MACROD2: variants seen among roughly 807,000 people sequenced by gnomAD.
The protein encoded by MACROD2 is mono-ADP ribosylhydrolase 2.
In MACROD2, 36 loss-of-function variants were observed where a neutral mutation model predicts 70.4. That is an observed-to-expected ratio of 0.51 (90% CI 0.39 to 0.68). The LOEUF (loss-of-function observed/expected upper bound fraction) is 0.68. Among genes scored for constraint, MACROD2 ranks in the 30% least tolerant of loss-of-function variants. MACROD2 has a pLI of 0.00. For synonymous variants in MACROD2, 172 were observed against 178.8 expected (o/e 0.96, Z 0.30); for missense variants, 496 against 538.4 (o/e 0.92, Z 0.78).
intron 3 of MACROD2, among the ~76,000 whole-genome samples, chr20:14,240,807 G>A (rs6079368): frequency 0.97 from 147,592 of 152,312 alleles, 71,528 homozygotes; most frequent in Admixed American, 0.99. Context: ...TTACCTATAT[G>A]ATAAACCTGC....
intron 3 of MACROD2, among the ~76,000 whole-genome samples, chr20:14,433,709 T>G (rs1047473164): frequency 2.0e-5 from 3 of 152,262 alleles, no homozygotes; most frequent in Admixed American, 2.0e-4. Flanking sequence ...ATGGCCAGTT[T>G]ACCTGAATAT....
At chr20:14,793,445 A>G (rs6042924) in intron 5 of MACROD2, among the ~76,000 whole-genome samples, 4,502 of 148,540 alleles carry the variant, frequency 0.03, 141 homozygotes, top group East Asian at 0.11. Flanking sequence ...TCCCCCCACC[A>G]TGCCCCCCGC....
At chr20:15,918,338 A>G (rs2065350784) in intron 10 of MACROD2, among the ~76,000 whole-genome samples, 1 of 152,228 alleles carries the variant, frequency 6.6e-6, no homozygotes, top group African/African-American at 2.4e-5. Flanking sequence ...GAAATTATTT[A>G]CTTGCCATTT....
At chr20:14,100,895 T>G (rs2054295807) in intron 3 of MACROD2, among the ~76,000 whole-genome samples, 1 of 146,212 alleles carries the variant, frequency 6.8e-6, no homozygotes, top group South Asian at 2.1e-4. Context: ...TTGATTAATA[T>G]AATCAAAATT....
chr20:14,216,304 T>C lies in MACROD2; in HGVS notation c.271+130576T>C, dbSNP rs139594960. 7.7e-4 allele frequency among the ~76,000 whole-genome samples: 117 copies of C among 152,288 alleles called. 1 individual carries two copies. The highest frequency in any genetic ancestry group is 2.7e-3 in the African/African-American group (111 of 41,550). ...ATGTTTTTGTTTGCTTTCTTGAAGA[T>C]CACTTGGCTGTAAGTATTTGGGTTT... On this transcript the variant is annotated intron_variant, in intron 3 of 17. Transcript: ENST00000684519.
At chr20:14,415,862 T>G (rs1568601864) in intron 3 of MACROD2, among the ~76,000 whole-genome samples, 1 of 152,188 alleles carries the variant, frequency 6.6e-6, no homozygotes, top group Non-Finnish European at 1.5e-5. Flanking sequence ...AAAGTCCAGC[T>G]GCAACCCATA....
At chr20:15,375,178 C>T (rs1194857200) in intron 6 of MACROD2, among the ~76,000 whole-genome samples, 1 of 152,158 alleles carries the variant, frequency 6.6e-6, no homozygotes, top group Non-Finnish European at 1.5e-5. Context: ...CCATCAGGTG[C>T]TTCACAATTT....
chr20:15,660,326 G>A (rs1385192366), intron 8 of MACROD2, among the ~76,000 whole-genome samples: 1 of 152,024 alleles, frequency 6.6e-6, no homozygotes, highest in Non-Finnish European at 1.5e-5. Context: ...CATTTGACAT[G>A]TGTTAATTTC....
chr20:15,711,127 G>T (rs950076342), intron 8 of MACROD2, among the ~76,000 whole-genome samples: 1 of 152,172 alleles, frequency 6.6e-6, no homozygotes, highest in Non-Finnish European at 1.5e-5. Context: ...TCTGTGAAGG[G>T]TGTTGAAGAC....
At chr20:14,565,217 G>A (rs1178378141) in intron 4 of MACROD2, among the ~76,000 whole-genome samples, 1 of 151,670 alleles carries the variant, frequency 6.6e-6, no homozygotes, top group African/African-American at 2.4e-5. Context: ...AGGGGCCAAG[G>A]GATAAAATAC....
chr20:14,317,373 A>T (rs2082621786), intron 3 of MACROD2, among the ~76,000 whole-genome samples: 1 of 152,068 alleles, frequency 6.6e-6, no homozygotes, highest in Admixed American at 6.5e-5. Context: ...TAATCCCAGC[A>T]CTTTGGGAGG....
At chr20:14,245,713 G>A (rs1046686212) in intron 3 of MACROD2, among the ~76,000 whole-genome samples, 1 of 152,184 alleles carries the variant, frequency 6.6e-6, no homozygotes, top group Non-Finnish European at 1.5e-5. Flanking sequence ...AGCTCTTAAT[G>A]CTATAACTCC....
chr20:14,397,590 C>T (rs909122512), intron 3 of MACROD2, among the ~76,000 whole-genome samples: 2 of 152,032 alleles, frequency 1.3e-5, no homozygotes, highest in African/African-American at 4.8e-5. Context: ...TTTAAATAAT[C>T]AGTTATCTTT....
In MACROD2 at chr20:15,141,379, T is replaced by A. The variant is rs142947422; in HGVS notation, c.419-88561T>A. Among the ~76,000 whole-genome samples, 132 of 152,002 alleles carry A rather than the reference T, an allele frequency of 8.7e-4. 1 individual carries two copies. In the East Asian group the frequency reaches 0.025, roughly 28 times the overall value. On this transcript the variant is annotated intron_variant, in intron 5 of 17. Transcript: ENST00000684519. Reference sequence around the variant, plus strand: ...ACATGCATTCAGGTACTCGCATACATACATATAGATATACACGTGTTTGCA... The same window carrying A: ...ACATGCATTCAGGTACTCGCATACAAACATATAGATATACACGTGTTTGCA...
chr20:15,103,149 A>G (rs939753724), intron 5 of MACROD2, among the ~76,000 whole-genome samples: 3 of 152,162 alleles, frequency 2.0e-5, no homozygotes, highest in Non-Finnish European at 4.4e-5. Flanking sequence ...GGAAAAAAAC[A>G]AACAAAACAG....
At chr20:16,033,317 G>C (rs188065342) in intron 15 of MACROD2, among the ~76,000 whole-genome samples, 1 of 152,078 alleles carries the variant, frequency 6.6e-6, no homozygotes, top group Admixed American at 6.6e-5. Context: ...ATACAATGCC[G>C]AAAAGCAACA....
intron 8 of MACROD2, among the ~76,000 whole-genome samples, chr20:15,714,487 C>T (rs181042661): frequency 3.2e-4 from 49 of 152,278 alleles, no homozygotes; most frequent in African/African-American, 1.0e-3. Flanking sequence ...CAAGCAGAGG[C>T]TCTTTCCTGC....
At chr20:16,026,825 G>A (rs533056387) in intron 15 of MACROD2, among the ~76,000 whole-genome samples, 3 of 152,174 alleles carry the variant, frequency 2.0e-5, no homozygotes, top group East Asian at 3.9e-4. Context: ...GGAGGGTTTC[G>A]GCAAAGGTAA....
intron 8 of MACROD2, among the ~76,000 whole-genome samples, chr20:15,836,705 A>G (rs2064117859): frequency 6.6e-6 from 1 of 152,224 alleles, no homozygotes; most frequent in African/African-American, 2.4e-5. Context: ...AATAGCTCTG[A>G]TGTGTGAGTG....
Sources: gnomAD v4.1 joint callset for allele counts (sites outside exome capture counted in the v4.1 genomes callset) on GRCh38, gnomAD v4.1.1 for gene constraint, MANE v1.5 for transcripts, NCBI Gene and HGNC (gene_info 2026-07-23, HGNC 2026-07-21) for gene names.